VAV2: variants seen among roughly 807,000 people sequenced by gnomAD.
VAV2 encodes guanine nucleotide exchange factor VAV2.
VAV2 carries 67 observed loss-of-function variants against 132.5 expected under a neutral mutation model. That is an observed-to-expected ratio of 0.51 (90% CI 0.42 to 0.62). The LOEUF (loss-of-function observed/expected upper bound fraction) is 0.62, where lower values mean the gene tolerates loss of function less well. Among genes scored for constraint, VAV2 ranks in the 20% least tolerant of loss-of-function variants. The probability of loss-of-function intolerance (pLI) is 0.00; values close to 1 mark genes in which losing one functional copy is unlikely to be tolerated. For missense variants in VAV2, 938 were observed against 1,153.6 expected (o/e 0.81, Z 2.71); for synonymous variants, 492 against 443.5 (o/e 1.11, Z -1.37).
At chr9:133,778,697 T>C (rs1391557331) in intron 22 of VAV2, 65 bp downstream of exon 22, 66 of 1,587,798 alleles carry the variant, frequency 4.2e-5, no homozygotes, top group Non-Finnish European at 5.2e-5. Context: ...TTTATGCTTC[T>C]GCCCCAGGGA....
Position 133,883,554 on chromosome 9 carries a change from A to T in VAV2, c.322-22122T>A, listed in dbSNP as rs1400526278. 6.6e-6 allele frequency among the ~76,000 whole-genome samples: 1 copy of T among 151,996 alleles called. No individual in the cohort carries two copies. Among genetic ancestry groups the T allele is most frequent in the African/African-American group, 2.4e-5 (1 of 41,390 alleles). ...AGTCATCCCCAGCCACGGCAGGCAG[A>T]CAGCCCAGCAGAGACTCCCAAGTCA... On this transcript the variant is annotated intron_variant, in intron 2 of 29. Transcript: ENST00000371850. This position sits in a 1 kb window ranked among gnomAD's most constrained non-coding sequence, Gnocchi z 4.2.
intron 4 of VAV2, among the ~76,000 whole-genome samples, chr9:133,829,133 G>C (rs1660747411): frequency 6.6e-6 from 1 of 152,240 alleles, no homozygotes; most frequent in Non-Finnish European, 1.5e-5. Flanking sequence ...GAACGAAAAG[G>C]GAAGCGCAGT....
intron 1 of VAV2, among the ~76,000 whole-genome samples, chr9:133,943,649 T>C (rs887097132): frequency 1.3e-5 from 2 of 152,160 alleles, no homozygotes; most frequent in African/African-American, 2.4e-5. Flanking sequence ...CTGGCGGCTA[T>C]GGGGTCCCCA....
intron 3 of VAV2, among the ~76,000 whole-genome samples, chr9:133,836,461 A>G (rs960015635): frequency 6.6e-6 from 1 of 152,258 alleles, no homozygotes; most frequent in African/African-American, 2.4e-5. Flanking sequence ...TGACTTCCAT[A>G]ATAAAGAAAA....
intron 3 of VAV2, among the ~76,000 whole-genome samples, chr9:133,841,480 G>A (rs565224004): frequency 1.1e-4 from 17 of 152,114 alleles, no homozygotes; most frequent in Non-Finnish European, 2.2e-4. Context: ...CCTCAGAGCA[G>A]GGAAGCCCCT....
intron 29 of VAV2, among the ~76,000 whole-genome samples, chr9:133,765,843 T>C (rs557430): frequency 0.6 from 90,610 of 152,102 alleles, 29,156 homozygotes; most frequent in African/African-American, 0.82. Context: ...ACAGTGCAAA[T>C]GATAAAGCAA....
intron 1 of VAV2, among the ~76,000 whole-genome samples, chr9:133,942,344 G>A (rs975384538): frequency 1.3e-5 from 2 of 152,212 alleles, no homozygotes; most frequent in East Asian, 1.9e-4. Flanking sequence ...GTGGCCCCAC[G>A]AAGGAGCTGT....
At chr9:133,783,819 G>A (rs940208949) in intron 18 of VAV2, among the ~76,000 whole-genome samples, 4 of 151,424 alleles carry the variant, frequency 2.6e-5, no homozygotes, top group Non-Finnish European at 5.9e-5. Context: ...AGCATCCCGG[G>A]CACCCAGGAA....
rs369329166 is a variant in VAV2 at position 133,782,499 on chromosome 9, C to T, written c.1723+1004G>A. The stretch of plus-strand genomic sequence containing the variant: ...AAGGGGGTCTGGGCTGACCTTCTGG[C>T]CCTCTCCCCAGGTTAGGGTACTGGG... On this transcript the variant is annotated intron_variant, in intron 19 of 29. Transcript: ENST00000371850. Among the ~76,000 whole-genome samples, 190 of 152,288 alleles carry T rather than the reference C, an allele frequency of 1.2e-3. 2 individuals carry two copies. The highest frequency in any genetic ancestry group is 4.2e-3 in the African/African-American group (176 of 41,570).
chr9:133,924,407 G>A (rs23149), intron 2 of VAV2, among the ~76,000 whole-genome samples: 54,189 of 152,024 alleles, frequency 0.36, 10,195 homozygotes, highest in East Asian at 0.71. Context: ...GGCTGGTCTC[G>A]AACTCCTGGC....
At chr9:133,873,024 A>C (rs1159143280) in intron 2 of VAV2, among the ~76,000 whole-genome samples, 1 of 147,094 alleles carries the variant, frequency 6.8e-6, no homozygotes, top group Non-Finnish European at 1.5e-5. Flanking sequence ...GGGGCAGAAG[A>C]ATTGCTTGAA....
chr9:133,807,105 G>C (rs547982826), intron 8 of VAV2, among the ~76,000 whole-genome samples, 153 bp downstream of exon 8: 2 of 152,252 alleles, frequency 1.3e-5, no homozygotes, highest in African/African-American at 4.8e-5. Context: ...ACCCTGGAGA[G>C]AGCGGTGGGG....
rs142896064 is a variant in VAV2, at chr9:133,836,992, C to A, written c.381-2652G>T. 2.6e-5 allele frequency among the ~76,000 whole-genome samples: 4 copies of A among 152,338 alleles called. No homozygotes were observed. In the East Asian group the frequency reaches 7.7e-4, roughly 29 times the overall value. On this transcript the variant is annotated intron_variant, in intron 3 of 29. Transcript: ENST00000371850. ...GAACCCACCTGCCCTGCCAGGAGAG[C>A]TGAGCCCGGGGCAGCGAAGGAGAGG...
At chr9:133,911,773 G>A (rs1435849537) in intron 2 of VAV2, among the ~76,000 whole-genome samples, 10 of 152,242 alleles carry the variant, frequency 6.6e-5, no homozygotes, top group Non-Finnish European at 2.9e-5. Flanking sequence ...CCGCCTGGGC[G>A]GGGAGGGCTG....
chr9:133,971,392 C>G (rs1303535610), intron 1 of VAV2, among the ~76,000 whole-genome samples: 1 of 152,138 alleles, frequency 6.6e-6, no homozygotes, highest in Non-Finnish European at 1.5e-5. Flanking sequence ...CAGGAGGGGG[C>G]CACATGTTCT....
At chr9:133,855,786 A>C (rs116022786) in intron 3 of VAV2, among the ~76,000 whole-genome samples, 1,878 of 152,306 alleles carry the variant, frequency 0.012, 33 homozygotes, top group African/African-American at 0.042. Context: ...CTTCAAATTG[A>C]AGCAGGAAGT....
chr9:133,926,032 T>G lies in VAV2; in HGVS notation c.321+13071A>C, dbSNP rs1442039371. 1.6e-5 allele frequency: 2 copies of G among 122,704 alleles called. No homozygotes were observed. The highest frequency in any genetic ancestry group is 3.3e-5 in the Non-Finnish European group (2 of 61,462). The allele number at this position is 122,704 out of a possible 1,614,324, so 7.6% of individuals were successfully genotyped here. On this transcript the variant is annotated intron_variant, in intron 2 of 29. Coordinates refer to ENST00000371850, the MANE Select transcript of VAV2 (RefSeq NM_001134398.2). This position sits in a 1 kb window ranked among gnomAD's most constrained non-coding sequence, Gnocchi z 4.3. ...AAAAAAAAAAAAAAAAAAAAAAGCA[T>G]GCACCAGTTGCACCAGGACCAGCTA... is the stretch of plus-strand genomic sequence containing the variant.
intron 26 of VAV2, among the ~76,000 whole-genome samples, chr9:133,771,630 C>T (rs977809695): frequency 4.6e-5 from 7 of 152,164 alleles, no homozygotes; most frequent in Non-Finnish European, 1.0e-4. Flanking sequence ...CAGCTGGAAG[C>T]CCCACTGGGC....
At position 133,780,529 on chromosome 9, in the gene VAV2, C is replaced by T. The variant is rs144816781; in HGVS notation, c.1740+165G>A. Among the ~76,000 whole-genome samples the T allele has an allele frequency of 2.6e-5, 4 of 152,268 alleles. No homozygotes were observed. The East Asian group carries it at 7.7e-4, about 29-fold the overall frequency. ...GGGGCCCCTAGGAGGACTCTAATGA[C>T]ACCCACCAAGGAAAGCAGAGGCATC... On this transcript the variant is annotated intron_variant, in intron 20 of 29. Coordinates refer to ENST00000371850, the MANE Select transcript of VAV2 (RefSeq NM_001134398.2).
Sources: allele counts gnomAD v4.1 joint callset (sites outside exome capture counted in the v4.1 genomes callset), GRCh38; gene constraint gnomAD v4.1.1; non-coding constraint Gnocchi (gnomAD v3.1); transcripts MANE v1.5; gene names NCBI Gene and HGNC (gene_info 2026-07-23, HGNC 2026-07-21).